Variants in ADARB1 observed in about 807,000 individuals in gnomAD.
ADARB1 encodes the protein double-stranded RNA-specific editase 1.
ADARB1 carries 10 observed loss-of-function variants against 52.4 expected under a neutral mutation model. The ratio of observed to expected loss-of-function variants is 0.19; its 90% CI spans 0.12 to 0.32. The LOEUF is 0.32. Ranked by LOEUF, ADARB1 falls within the 10% of genes least tolerant of loss-of-function variation. The probability of loss-of-function intolerance (pLI) is 1.00; values close to 1 mark genes in which losing one functional copy is unlikely to be tolerated. For missense variants in ADARB1, 643 were observed against 922.3 expected (o/e 0.70, Z 3.92); for synonymous variants, 349 against 371.1 (o/e 0.94, Z 0.68).
intron 9 of ADARB1, among the ~76,000 whole-genome samples, chr21:45,219,989 CTTTT>C (rs10718648): frequency 5.7e-5 from 7 of 121,966 alleles, no homozygotes; most frequent in African/African-American, 9.0e-5. Context: ...TCTTGGTAGC[CTTTT>C]TTTTTTTTTT....
intron 8 of ADARB1, among the ~76,000 whole-genome samples, chr21:45,191,180 C>G (rs1322150534): frequency 6.6e-6 from 1 of 152,224 alleles, no homozygotes; most frequent in Admixed American, 6.5e-5. Flanking sequence ...TTATGGCCAG[C>G]AACTTAACTC....
intron 2 of ADARB1, among the ~76,000 whole-genome samples, chr21:45,161,995 T>C (rs1296431261): frequency 2.0e-5 from 3 of 152,210 alleles, no homozygotes; most frequent in Non-Finnish European, 4.4e-5. Context: ...CACCTCATTC[T>C]TCCTGGACAT....
intron 1 of ADARB1, among the ~76,000 whole-genome samples, chr21:45,094,567 C>T (rs763612219): frequency 6.6e-6 from 1 of 152,108 alleles, no homozygotes; most frequent in Non-Finnish European, 1.5e-5. Flanking sequence ...GAAGCAGCCC[C>T]GAGCACTATG....
intron 1 of ADARB1, among the ~76,000 whole-genome samples, chr21:45,120,397 A>G (rs371624270): frequency 6.6e-6 from 1 of 152,178 alleles, no homozygotes; most frequent in African/African-American, 2.4e-5. Flanking sequence ...CACACTTCTC[A>G]TTGTCTTCCT....
rs184450383 is a variant in ADARB1 at position 45,086,043 on chromosome 21, G to A, written c.-220+11250G>A. 3.8e-3 allele frequency among the ~76,000 whole-genome samples: 577 copies of A among 152,322 alleles called. 14 individuals carry two copies. The highest frequency in any genetic ancestry group is 0.032 in the Admixed American group (488 of 15,302). ...AAGGTTTTTTCCTTTCCTGGACAAT[G>A]ATTTTGAGCTACGGTGTAGAATGGA... On this transcript the variant is annotated intron_variant, in intron 1 of 10. Coordinates refer to ENST00000348831, the MANE Select transcript of ADARB1 (RefSeq NM_001112.4).
chr21:45,120,506 C>T (rs977293064), intron 1 of ADARB1, among the ~76,000 whole-genome samples: 1 of 152,210 alleles, frequency 6.6e-6, no homozygotes, highest in African/African-American at 2.4e-5. Context: ...AGGATCCTCA[C>T]AGGTGTGGAA....
rs1232940352 is a variant in ADARB1, at chr21:45,208,089, A to G, written c.1747+3353A>G. On this transcript the variant is annotated intron_variant, in intron 9 of 10. Coordinates refer to ENST00000348831, the MANE Select transcript of ADARB1 (RefSeq NM_001112.4). This position sits in a 1 kb window ranked among gnomAD's most constrained non-coding sequence, Gnocchi z 5.6. ...TCGAGCTTTCTCAGACTTTCTCTCA[A>G]ATGAGTTTCACATCCAGCACTTGCA... is the stretch of plus-strand genomic sequence containing the variant. 6.6e-6 allele frequency among the ~76,000 whole-genome samples: 1 copy of G among 152,204 alleles called. No homozygotes were observed. The highest frequency in any genetic ancestry group is 1.5e-5 in the Non-Finnish European group (1 of 68,050).
chr21:45,143,940 T>C (rs1017415262), intron 2 of ADARB1, among the ~76,000 whole-genome samples: 3 of 152,220 alleles, frequency 2.0e-5, no homozygotes, highest in Non-Finnish European at 4.4e-5. Context: ...ATTGTCCCCA[T>C]TGTCAGTTGT....
chr21:45,210,567 A>G (rs2092748151), intron 9 of ADARB1, among the ~76,000 whole-genome samples: 1 of 152,242 alleles, frequency 6.6e-6, no homozygotes, highest in African/African-American at 2.4e-5. Flanking sequence ...TGCTCAAGTC[A>G]GGAGCCAGAT....
chr21:45,207,842 T>C (rs1221241108), intron 9 of ADARB1, among the ~76,000 whole-genome samples: 1 of 152,196 alleles, frequency 6.6e-6, no homozygotes, highest in Non-Finnish European at 1.5e-5. Flanking sequence ...AAAGATTACC[T>C]GAAACTGGGA....
In ADARB1 at chr21:45,222,309, A is replaced by T. The variant is rs1036605483; in HGVS notation, c.*112A>T. On this transcript the variant is annotated 3_prime_UTR_variant, in exon 11 of 11. Transcript: ENST00000348831. Reference sequence around the variant, plus strand: ...CATACCTTGGGGAGGGAGTAGGGGGACACGGGGGACCACCAGGTGTCCACG... The same window carrying T: ...CATACCTTGGGGAGGGAGTAGGGGGTCACGGGGGACCACCAGGTGTCCACG... 7.2e-7 allele frequency: 1 copy of T among 1,388,994 alleles called. No individual in the cohort carries two copies. The allele number at this position is 1,388,994 out of a possible 1,614,324, so 86.0% of individuals were successfully genotyped here.
intron 2 of ADARB1, among the ~76,000 whole-genome samples, chr21:45,169,226 G>A (rs2091383344): frequency 6.6e-6 from 1 of 152,232 alleles, no homozygotes; most frequent in African/African-American, 2.4e-5. Context: ...TGAAGATTGT[G>A]GCTTGTCACT....
chr21:45,219,234 A>G (rs1437007788), intron 9 of ADARB1, among the ~76,000 whole-genome samples: 1 of 152,220 alleles, frequency 6.6e-6, no homozygotes, highest in African/African-American at 2.4e-5. Flanking sequence ...TCCCTAAAGA[A>G]CTGAATGGTG....
chr21:45,116,382 A>G (rs1268747815), intron 1 of ADARB1, among the ~76,000 whole-genome samples: 3 of 152,214 alleles, frequency 2.0e-5, no homozygotes, highest in African/African-American at 7.2e-5. Context: ...TGAAAGATTT[A>G]ATTTTTTATT....
At position 45,180,310 on chromosome 21, in the gene ADARB1, C is replaced by T. The variant is rs763041003; in HGVS notation, c.964-20C>T. 1 of 1,582,460 alleles carries T rather than the reference C, an allele frequency of 6.3e-7. No individual in the cohort carries two copies. Among genetic ancestry groups the T allele is most frequent in the Admixed American group, 1.7e-5 (1 of 59,778 alleles). On this transcript the variant is annotated intron_variant, in intron 4 of 10. Coordinates refer to ENST00000348831, the MANE Select transcript of ADARB1 (RefSeq NM_001112.4). The stretch of plus-strand genomic sequence containing the variant: ...CCAGCTGCATCTGGCCCCTAACCTG[C>T]ATCTGTGCTTCCCACACAGGTTTTA...
At chr21:45,084,016 T>C (rs754766101) in intron 1 of ADARB1, among the ~76,000 whole-genome samples, 4 of 152,190 alleles carry the variant, frequency 2.6e-5, no homozygotes, top group Non-Finnish European at 5.9e-5. Flanking sequence ...GCATCTCTTA[T>C]AAGCTGTTTT....
chr21:45,225,034 A>T lies in ADARB1; in HGVS notation c.*2837A>T, dbSNP rs1156313144. 3.0e-6 allele frequency: 3 copies of T among 985,452 alleles called. No individual in the cohort carries two copies. Among genetic ancestry groups the T allele is most frequent in the African/African-American group, 1.8e-5 (1 of 57,116 alleles). The allele number at this position is 985,452 out of a possible 1,614,324, so 61.0% of individuals were successfully genotyped here. A position where few individuals can be genotyped will look rare whatever the true frequency, so the allele number is the denominator to read the frequency against. On this transcript the variant is annotated 3_prime_UTR_variant, in exon 11 of 11. Coordinates refer to ENST00000348831, the MANE Select transcript of ADARB1 (RefSeq NM_001112.4). ...TTTTAAGAAAAAATATTACATTTTG[A>T]GGACATTTTGACAAGTAGGGGAAGA... is the stretch of plus-strand genomic sequence containing the variant.
chr21:45,223,932 C>T lies in ADARB1; in HGVS notation c.*1735C>T, dbSNP rs1029951266. ...TGCCCCACAGCAGCCTCCTCCTCCACCGAAGAGGGTAGTTGTCTCCCTGAA... is the reference window on the plus strand; with the variant it reads ...TGCCCCACAGCAGCCTCCTCCTCCATCGAAGAGGGTAGTTGTCTCCCTGAA... On this transcript the variant is annotated 3_prime_UTR_variant, in exon 11 of 11. Coordinates refer to ENST00000348831, the MANE Select transcript of ADARB1 (RefSeq NM_001112.4). 4 of 985,464 alleles carry T rather than the reference C, an allele frequency of 4.1e-6. No individual in the cohort carries two copies. The African/African-American group carries it at 7.0e-5, about 17-fold the overall frequency. 61.0% of individuals were successfully genotyped at this position (985,464 alleles called of 1,614,324 possible). A position where few individuals can be genotyped will look rare whatever the true frequency, so the allele number is the denominator to read the frequency against.
chr21:45,133,617 T>C, intron 2 of ADARB1: 1 of 227,988 alleles, frequency 4.4e-6, no homozygotes, highest in South Asian at 4.9e-5. Flanking sequence ...GGCAGGATGC[T>C]AACACTGCAC....
Sources: allele counts gnomAD v4.1 joint callset (sites outside exome capture counted in the v4.1 genomes callset), GRCh38; gene constraint gnomAD v4.1.1; non-coding constraint Gnocchi (gnomAD v3.1); transcripts MANE v1.5; gene names NCBI Gene and HGNC (gene_info 2026-07-23, HGNC 2026-07-21).